Variants in AOX1 observed in about 807,000 individuals in gnomAD.
The protein encoded by AOX1 is aldehyde oxidase.
In AOX1, 153 loss-of-function variants were observed where a neutral mutation model predicts 169.5. That is an observed-to-expected ratio of 0.90 (90% CI 0.79 to 1.03). The LOEUF is 1.03. AOX1 is among the 50% of genes least tolerant of loss of function. The pLI is 0.00. For synonymous variants in AOX1, 562 were observed against 581.9 expected (o/e 0.97, Z 0.49); for missense variants, 1,656 against 1,663.9 (o/e 1.00, Z 0.08).
intron 5 of AOX1, among the ~76,000 whole-genome samples, chr2:200,601,932 T>C (rs2034424247): frequency 6.6e-6 from 1 of 151,956 alleles, no homozygotes. Context: ...AAACCCTGTC[T>C]CAAAAATAAA....
intron 16 of AOX1, 111 bp downstream of exon 16, chr2:200,616,174 C>A (rs781308183): frequency 4.0e-6 from 3 of 754,334 alleles, no homozygotes; most frequent in Non-Finnish European, 6.7e-6. Context: ...CCAAGCTCCA[C>A]TTCTGGTAAA....
intron 3 of AOX1, among the ~76,000 whole-genome samples, chr2:200,596,845 C>T (rs1487430066): frequency 1.3e-5 from 2 of 152,274 alleles, no homozygotes; most frequent in African/African-American, 2.4e-5. Context: ...TTATGTTCCT[C>T]GTATGGTTTA....
chr2:200,609,560 T>A, intron 12 of AOX1, 146 bp downstream of exon 12: 4 of 690,648 alleles, frequency 5.8e-6, no homozygotes, highest in Non-Finnish European at 1.0e-5. Flanking sequence ...GGAAATTTTG[T>A]GAGTCTTGTC....
downstream of AOX1, among the ~76,000 whole-genome samples, chr2:200,676,255 T>A (rs552702493): frequency 3.9e-5 from 6 of 152,288 alleles, no homozygotes; most frequent in Non-Finnish European, 7.4e-5. Context: ...AAATATAGCA[T>A]GATTTAGCTC....
rs57410809 is a variant in AOX1, at chr2:200,630,210, T to TAAAAAAAAAAAAAAAAAA, written c.2221+2771_2221+2788dup. 5.1e-4 allele frequency among the ~76,000 whole-genome samples: 49 copies of TAAAAAAAAAAAAAAAAAA among 95,518 alleles called. 2 individuals are homozygous for TAAAAAAAAAAAAAAAAAA. Among genetic ancestry groups the TAAAAAAAAAAAAAAAAAA allele is most frequent in the African/African-American group, 2.1e-3 (47 of 21,872 alleles). 62.7% of individuals were successfully genotyped at this position (95,518 alleles called of 152,430 possible). A position where few individuals can be genotyped will look rare whatever the true frequency, so the allele number is the denominator to read the frequency against. On this transcript the variant is annotated intron_variant, in intron 20 of 34. Coordinates refer to ENST00000374700, the MANE Select transcript of AOX1 (RefSeq NM_001159.4). ...TCAATGTAGCAAGACTCCTTCTATT[T>TAAAAAAAAAAAAAAAAAA]AAAAAAAAAAAAAAAAAAAAAAAAA... is the stretch of plus-strand genomic sequence containing the variant.
At chr2:200,616,642 T>A (rs1341699120) in intron 16 of AOX1, among the ~76,000 whole-genome samples, 1 of 152,222 alleles carries the variant, frequency 6.6e-6, no homozygotes, top group Non-Finnish European at 1.5e-5. Flanking sequence ...TAATGAAGGC[T>A]ATTAGAAAAC....
chr2:200,637,153 G>A (rs2035252096), intron 22 of AOX1, 109 bp downstream of exon 22: 20 of 1,336,076 alleles, frequency 1.5e-5, no homozygotes, highest in South Asian at 4.3e-5. Flanking sequence ...TCACATATAC[G>A]ATACAAACAC....
chr2:200,609,118 C>T lies in AOX1; in HGVS notation c.1042C>T (p.Gln348Ter). The T allele has an allele frequency of 6.2e-7, 1 of 1,613,978 alleles. No individual in the cohort carries two copies. Among genetic ancestry groups the T allele is most frequent in the Non-Finnish European group, 8.5e-7 (1 of 1,180,006 alleles). The change falls in exon 11 of 35, where the codon CAG (glutamine) becomes TAG (stop). Residue 348 changes from glutamine to a stop codon, truncating the protein, a stop_gained. Transcript: ENST00000374700. LOFTEE classifies it high-confidence loss of function. ...GCATTTGGGAACTCTGGCTGGGTCC[C>T]AGATCAGGAACATGGCTGTATGTAT... The part of the protein sequence containing the change: ...LKHLGTLAGS[Q>*]IRNMASLGGH...
chr2:200,663,918 G>A (rs994657075), intron 31 of AOX1, among the ~76,000 whole-genome samples: 4 of 152,094 alleles, frequency 2.6e-5, no homozygotes, highest in Non-Finnish European at 5.9e-5. Flanking sequence ...TAAAACTATA[G>A]TCAACCTAAT....
Position 200,661,610 on chromosome 2 carries a change from T to G in AOX1, c.3407T>G (p.Leu1136Arg), listed in dbSNP as rs1236093398. 2 of 1,613,066 alleles carry G rather than the reference T, an allele frequency of 1.2e-6. No homozygotes were observed. Among genetic ancestry groups the G allele is most frequent in the South Asian group, 2.2e-5 (2 of 91,058 alleles). Residue 1136 changes from leucine (L) to arginine (R), a missense_variant, in exon 30 of 35, where the codon CTT (leucine) becomes CGT (arginine). Physicochemically the swap from Leu to Arg is moderately radical, Grantham distance 102 (BLOSUM62 -2). Coordinates refer to ENST00000374700, the MANE Select transcript of AOX1 (RefSeq NM_001159.4). ...ACTGCTTTTGATGAAAGCATTAACC[T>G]TTCAGCTGTTGGATACTTCAGGTAA... ...AQTAFDESINLSAVGYFRGYE... is the reference protein window; with the variant it reads ...AQTAFDESINRSAVGYFRGYE...
intron 5 of AOX1, among the ~76,000 whole-genome samples, chr2:200,600,476 G>GGC (rs1553566899): frequency 2.3e-4 from 5 of 21,462 alleles, no homozygotes; most frequent in Non-Finnish European, 4.5e-4. Context: ...TGTATGTGGC[G>GGC]GGGGGGGACA....
At chr2:200,602,602 G>A (rs568999602) in intron 6 of AOX1, among the ~76,000 whole-genome samples, 1 of 152,180 alleles carries the variant, frequency 6.6e-6, no homozygotes, top group Non-Finnish European at 1.5e-5. Flanking sequence ...GGTCTTTCCT[G>A]ACCTCTTTGC....
chr2:200,604,978 C>A, intron 9 of AOX1, 138 bp downstream of exon 9: 1 of 761,342 alleles, frequency 1.3e-6, no homozygotes, highest in Non-Finnish European at 2.1e-6. Flanking sequence ...ATCATTTGAG[C>A]TAGACTTCCT....
Position 200,593,968 on chromosome 2 carries a change from C to T in AOX1, c.103+765C>T, listed in dbSNP as rs536946343. 7.0e-4 allele frequency among the ~76,000 whole-genome samples: 107 copies of T among 152,274 alleles called. 1 individual carries two copies. The highest frequency in any genetic ancestry group is 2.4e-3 in the African/African-American group (99 of 41,554). On this transcript the variant is annotated intron_variant, in intron 2 of 34. Transcript: ENST00000374700. ...CACTATGAGTGACAGAAAACTCCAC[C>T]TCATGGTAAACAAGATAGAAGGTAG...
chr2:200,616,370 G>A (rs2034758856), intron 16 of AOX1, among the ~76,000 whole-genome samples: 1 of 152,238 alleles, frequency 6.6e-6, no homozygotes, highest in Non-Finnish European at 1.5e-5. Flanking sequence ...TTTCTGCCCT[G>A]GGCACTGCAG....
chr2:200,659,202 T>A lies in AOX1; in HGVS notation c.3209T>A (p.Val1070Asp). 2 of 1,613,944 alleles carry A rather than the reference T, an allele frequency of 1.2e-6. No homozygotes were observed. The highest frequency in any genetic ancestry group is 3.3e-4 in the Middle Eastern group (2 of 6,054). ...SRELRMPMSN[V>D]HLRGTSTETV... ...GAATTAAGAATGCCAATGTCGAATG[T>A]CCACCTGCGTGGAACAAGCACAGAA... Residue 1070 changes from valine to aspartate, a missense_variant, in exon 28 of 35, where the codon GTC becomes GAC. Val to Asp is a radical substitution (Grantham distance 152). Coordinates refer to ENST00000374700, the MANE Select transcript of AOX1 (RefSeq NM_001159.4).
intron 1 of AOX1, among the ~76,000 whole-genome samples, chr2:200,587,268 A>G (rs1377169877): frequency 6.6e-6 from 1 of 152,152 alleles, no homozygotes; most frequent in Admixed American, 6.5e-5. Context: ...AGCTTGGACA[A>G]AAGAGTGAGA....
chr2:200,621,321 A>G (rs888709402), intron 18 of AOX1, 75 bp downstream of exon 18: 38 of 1,526,656 alleles, frequency 2.5e-5, no homozygotes, highest in Middle Eastern at 2.3e-4. Flanking sequence ...TAAAGATACC[A>G]TCTACTTTGG....
At chr2:200,643,358 C>T (rs749935196) in intron 25 of AOX1, among the ~76,000 whole-genome samples, 29 of 149,966 alleles carry the variant, frequency 1.9e-4, no homozygotes, top group African/African-American at 2.7e-4. Context: ...CATATACACA[C>T]GCACACATAT....
Sources: allele counts gnomAD v4.1 joint callset (sites outside exome capture counted in the v4.1 genomes callset), GRCh38; gene constraint gnomAD v4.1.1; transcripts MANE v1.5; gene names NCBI Gene and HGNC (gene_info 2026-07-23, HGNC 2026-07-21).